The following QTMAN variants were observed in gnomAD, a reference collection of about 807,000 sequenced individuals.
The protein encoded by QTMAN is queuosine-tRNA mannosyltransferase.
At chr2:144,200,682 G>C in the QTMAN span, among the ~76,000 whole-genome samples, 3 of 152,086 alleles carry the variant, frequency 2.0e-5, no homozygotes, top group Non-Finnish European at 4.4e-5. Context: ...TTTTATACAA[G>C]GGAAATTCCA....
the QTMAN span, among the ~76,000 whole-genome samples, chr2:144,182,159 C>T: frequency 5.3e-5 from 8 of 152,072 alleles, no homozygotes; most frequent in Non-Finnish European, 7.4e-5. Context: ...CAGTCCACAG[C>T]ACAATGAAAA....
chr2:144,055,013 T>C, the QTMAN span, among the ~76,000 whole-genome samples: 1 of 152,122 alleles, frequency 6.6e-6, no homozygotes, highest in Admixed American at 6.5e-5. Context: ...CCCTAAAAGC[T>C]TGAAAGCACA....
chr2:143,949,679 A>T, the QTMAN span, among the ~76,000 whole-genome samples: 1 of 151,838 alleles, frequency 6.6e-6, no homozygotes, highest in Non-Finnish European at 1.5e-5. Flanking sequence ...CTCACAAAAG[A>T]TCCTCTCCGA....
chr2:144,181,200 G>C, the QTMAN span, among the ~76,000 whole-genome samples: 30 of 152,314 alleles, frequency 2.0e-4, no homozygotes, highest in Admixed American at 7.8e-4. Flanking sequence ...TGCAACAGGA[G>C]TCCAGCTTAT....
chr2:144,008,726 A>G, the QTMAN span, among the ~76,000 whole-genome samples: 2 of 152,072 alleles, frequency 1.3e-5, no homozygotes, highest in East Asian at 1.9e-4. Context: ...CAAGAGAGTA[A>G]TATCACATTA....
At chr2:144,187,604 A>G in the QTMAN span, among the ~76,000 whole-genome samples, 13 of 152,220 alleles carry the variant, frequency 8.5e-5, no homozygotes, top group African/African-American at 2.9e-4. Flanking sequence ...AATATCTTAC[A>G]GCGTCTTCTG....
At chr2:144,083,458 C>G in the QTMAN span, among the ~76,000 whole-genome samples, 6 of 152,212 alleles carry the variant, frequency 3.9e-5, no homozygotes, top group South Asian at 1.2e-3. Flanking sequence ...CCAGTCCTAC[C>G]CAAATTCTTG....
At chr2:144,142,792 C>T in the QTMAN span, among the ~76,000 whole-genome samples, 3 of 151,878 alleles carry the variant, frequency 2.0e-5, no homozygotes, top group East Asian at 5.8e-4. Context: ...AATTATAAAG[C>T]GCCGCAACAC....
the QTMAN span, among the ~76,000 whole-genome samples, chr2:144,071,297 AG>A: frequency 6.6e-6 from 1 of 151,954 alleles, no homozygotes; most frequent in Non-Finnish European, 1.5e-5. Context: ...CGAGGGGGAT[AG>A]GGGTTGGGGA....
At chr2:144,001,226 C>T in the QTMAN span, among the ~76,000 whole-genome samples, 2 of 151,956 alleles carry the variant, frequency 1.3e-5, no homozygotes, top group African/African-American at 4.8e-5. Context: ...TATTTTAGTA[C>T]CAAGTAATAA....
the QTMAN span, among the ~76,000 whole-genome samples, chr2:144,332,735 A>T: frequency 1.3e-5 from 2 of 151,766 alleles, no homozygotes; most frequent in South Asian, 4.2e-4. Flanking sequence ...GGCTCCTCGC[A>T]CCTGCCCACT....
chr2:144,020,249 C>A, the QTMAN span, among the ~76,000 whole-genome samples: 2 of 152,156 alleles, frequency 1.3e-5, no homozygotes, highest in Non-Finnish European at 2.9e-5. Flanking sequence ...CATTTCCTGC[C>A]TAAATGCTGC....
At chr2:144,253,409 T>C in the QTMAN span, among the ~76,000 whole-genome samples, 6 of 151,630 alleles carry the variant, frequency 4.0e-5, no homozygotes, top group Non-Finnish European at 8.8e-5. Flanking sequence ...CAAGCAGAGG[T>C]TGGAACAGTT....
chr2:144,253,230 C>T, the QTMAN span, among the ~76,000 whole-genome samples: 2 of 152,210 alleles, frequency 1.3e-5, no homozygotes, highest in Non-Finnish European at 2.9e-5. Context: ...CCTCCCCAGC[C>T]ATGCAGAACA....
At chr2:144,075,378 TTTAA>T in the QTMAN span, among the ~76,000 whole-genome samples, 1 of 152,252 alleles carries the variant, frequency 6.6e-6, no homozygotes, top group Non-Finnish European at 1.5e-5. Context: ...CTCATTCTAC[TTTAA>T]TTAAGCATGG....
chr2:144,274,119 C>T, the QTMAN span, among the ~76,000 whole-genome samples: 1 of 151,980 alleles, frequency 6.6e-6, no homozygotes. Flanking sequence ...GGCAACACAG[C>T]GAGACTCCGT....
chr2:143,951,981 C>T, the QTMAN span: 1 of 1,445,904 alleles, frequency 6.9e-7, no homozygotes, highest in South Asian at 1.1e-5. Flanking sequence ...TCAATAACTA[C>T]CTTATAGAGA....
chr2:144,178,801 A>C, the QTMAN span: 1 of 353,964 alleles, frequency 2.8e-6, no homozygotes, highest in South Asian at 2.3e-5. Context: ...GGATACTAGA[A>C]ATAATCAACT....
chr2:143,993,414 A>AG, the QTMAN span, among the ~76,000 whole-genome samples: 1 of 151,680 alleles, frequency 6.6e-6, no homozygotes, highest in African/African-American at 2.4e-5. Flanking sequence ...CAAAAAAAAA[A>AG]AGGGGGGGGG....
Sources: gnomAD v4.1 joint callset for allele counts (sites outside exome capture counted in the v4.1 genomes callset) on GRCh38, gnomAD v4.1.1 for gene constraint, MANE v1.5 for transcripts, NCBI Gene and HGNC (gene_info 2026-07-23, HGNC 2026-07-21) for gene names.